Variants in THRAP3 observed in about 807,000 individuals in gnomAD.
THRAP3 encodes the protein thyroid hormone receptor-associated protein 3.
In THRAP3, 16 loss-of-function variants were observed where a neutral mutation model predicts 101.0. The ratio of observed to expected loss-of-function variants is 0.16; its 90% confidence interval spans 0.11 to 0.24. THRAP3 has a LOEUF of 0.24. Ranked by LOEUF, THRAP3 falls within the 10% of genes least tolerant of loss-of-function variation. The pLI, the probability that THRAP3 is intolerant of heterozygous loss-of-function variation, is 1.00. For missense variants in THRAP3, 989 were observed against 1,202.7 expected (o/e 0.82, Z 2.63); for synonymous variants, 407 against 422.6 (o/e 0.96, Z 0.45).
At chr1:36,296,217 G>A (rs552952685) in intron 8 of THRAP3, among the ~76,000 whole-genome samples, 2 of 151,980 alleles carry the variant, frequency 1.3e-5, no homozygotes, top group South Asian at 4.2e-4. Flanking sequence ...CAAGTGATCC[G>A]CCTGCCTCGG....
At chr1:36,219,880 A>G (rs557895703), upstream of THRAP3, among the ~76,000 whole-genome samples, 1 of 152,186 alleles carries the variant, frequency 6.6e-6, no homozygotes, top group African/African-American at 2.4e-5. Context: ...GCAGCTGGTG[A>G]TTTTAAGTTG....
intron 2 of THRAP3, among the ~76,000 whole-genome samples, chr1:36,269,956 C>G (rs1186619555): frequency 6.6e-6 from 1 of 152,130 alleles, no homozygotes; most frequent in East Asian, 1.9e-4. Flanking sequence ...CTTTATCTAT[C>G]CACACTTGTT....
At chr1:36,252,986 T>C (rs1031761783) in intron 1 of THRAP3, among the ~76,000 whole-genome samples, 2 of 141,114 alleles carry the variant, frequency 1.4e-5, no homozygotes, top group Non-Finnish European at 3.0e-5. Flanking sequence ...AAATAATGAG[T>C]ATAATTTTTG....
In THRAP3 at chr1:36,300,771, C is replaced by G. The variant is rs200421889; in HGVS notation, c.2304-115C>G. 40 of 1,006,168 alleles carry G rather than the reference C, an allele frequency of 4.0e-5. No individual in the cohort carries two copies. The East Asian group carries it at 9.5e-4, about 24-fold the overall frequency. 62.3% of individuals were successfully genotyped at this position (1,006,168 alleles called of 1,614,324 possible). On this transcript the variant is annotated intron_variant, in intron 9 of 11. Transcript: ENST00000354618. ...CTGGCTTTATAAGGTTACTCATCAT[C>G]AGTTTCTTCCATCACAGGCATACTT...
chr1:36,277,517 T>G (rs1444632380), intron 2 of THRAP3, among the ~76,000 whole-genome samples: 2 of 151,860 alleles, frequency 1.3e-5, no homozygotes, highest in African/African-American at 4.8e-5. Flanking sequence ...ATTTATTTTT[T>G]ATTTTGGAGA....
At chr1:36,282,235 C>T (rs1570321202) in intron 2 of THRAP3, among the ~76,000 whole-genome samples, 4 of 137,362 alleles carry the variant, frequency 2.9e-5, no homozygotes, top group Non-Finnish European at 1.6e-5. Context: ...CACTTTCTCT[C>T]TTTTTTTTTT....
intron 3 of THRAP3, among the ~76,000 whole-genome samples, chr1:36,282,988 C>T (rs995008467): frequency 1.3e-5 from 2 of 152,148 alleles, no homozygotes; most frequent in Non-Finnish European, 2.9e-5. Flanking sequence ...TGCTTCAAAT[C>T]TCTATAGCTG....
Position 36,289,596 on chromosome 1 carries a change from A to T in THRAP3, c.1577A>T (p.Tyr526Phe). The part of the protein sequence containing the change: ...VPEKNFRVTA[Y>F]KAVQEKSSSP... Reference sequence around the variant, plus strand: ...GAGAAGAATTTCCGAGTGACTGCTTATAAAGCAGTCCAGGAGAAAAGCTCA... The same window carrying T: ...GAGAAGAATTTCCGAGTGACTGCTTTTAAAGCAGTCCAGGAGAAAAGCTCA... The change falls in exon 5 of 12, where the codon TAT becomes TTT. Residue 526 changes from tyrosine (Y) to phenylalanine (F), a missense_variant. Tyr to Phe is a conservative substitution (Grantham distance 22). Coordinates refer to ENST00000354618, the MANE Select transcript of THRAP3 (RefSeq NM_005119.4). The T allele has an allele frequency of 1.9e-6, 3 of 1,614,126 alleles. No individual in the cohort carries two copies. Among genetic ancestry groups the T allele is most frequent in the Non-Finnish European group, 2.5e-6 (3 of 1,179,962 alleles).
chr1:36,291,274 TATAG>T, intron 5 of THRAP3, 96 bp from the exon 6 acceptor site: 1 of 1,269,356 alleles, frequency 7.9e-7, no homozygotes, highest in Non-Finnish European at 1.1e-6. Flanking sequence ...AAAAGAAGTT[TATAG>T]ATAGATTTAA....
At chr1:36,212,144 G>C in the THRAP3 span, among the ~76,000 whole-genome samples, 10 of 152,156 alleles carry the variant, frequency 6.6e-5, no homozygotes, top group African/African-American at 1.9e-4. Context: ...TTAATTCTCA[G>C]GATGGCTGCC....
chr1:36,264,345 C>G (rs1180968094), intron 2 of THRAP3, among the ~76,000 whole-genome samples: 1 of 152,186 alleles, frequency 6.6e-6, no homozygotes, highest in East Asian at 1.9e-4. Context: ...TTCCTTAATT[C>G]TCCTGGCAGT....
intron 1 of THRAP3, among the ~76,000 whole-genome samples, chr1:36,255,470 T>TA (rs1338255118): frequency 2.7e-5 from 4 of 148,992 alleles, no homozygotes; most frequent in Admixed American, 6.7e-5. Flanking sequence ...TCTATTTAAT[T>TA]AAAAAAAAGA....
rs1263758546 is a variant in THRAP3, at chr1:36,304,157, C to T, written c.*140C>T. 20 of 1,287,576 alleles carry T rather than the reference C, an allele frequency of 1.6e-5. No individual in the cohort carries two copies. The highest frequency in any genetic ancestry group is 4.6e-5 in the African/African-American group (3 of 65,792). 79.8% of individuals were successfully genotyped at this position (1,287,576 alleles called of 1,614,324 possible). A position where few individuals can be genotyped will look rare whatever the true frequency, so the allele number is the denominator to read the frequency against. On this transcript the variant is annotated 3_prime_UTR_variant, in exon 12 of 12. Coordinates refer to ENST00000354618, the MANE Select transcript of THRAP3 (RefSeq NM_005119.4). ...ACCAGCCGCACAGATTGTACTACCG[C>T]GAGAGGCATCCCTGGCGCTGTCTCC...
At chr1:36,218,646 C>T in the THRAP3 span, among the ~76,000 whole-genome samples, 12 of 151,334 alleles carry the variant, frequency 7.9e-5, no homozygotes, top group African/African-American at 2.4e-4. Context: ...GGCATGAACC[C>T]GGGAGGCAGA....
chr1:36,210,703 GTATATATATATATATATA>G, the THRAP3 span, among the ~76,000 whole-genome samples: 1,310 of 2,780 alleles, frequency 0.47, 410 homozygotes, highest in Non-Finnish European at 0.55. Flanking sequence ...AAAAAAAAAA[GTATATATATATATATATA>G]TATATATATA....
At chr1:36,241,122 G>A (rs997698037) in intron 1 of THRAP3, among the ~76,000 whole-genome samples, 2 of 150,786 alleles carry the variant, frequency 1.3e-5, no homozygotes, top group African/African-American at 4.9e-5. Context: ...CAGGAGAATG[G>A]CGTGAACCCA....
At chr1:36,295,096 G>A (rs1645927950) in intron 8 of THRAP3, among the ~76,000 whole-genome samples, 1 of 151,984 alleles carries the variant, frequency 6.6e-6, no homozygotes, top group South Asian at 2.1e-4. Flanking sequence ...GGTAGTGCAT[G>A]CCTGTAATCC....
rs1645838076 is a variant in THRAP3, at chr1:36,289,501, T to C, written c.1482T>C (p.Ser494=). 6.2e-7 allele frequency: 1 copy of C among 1,614,118 alleles called. No individual in the cohort carries two copies. Among genetic ancestry groups the C allele is most frequent in the Non-Finnish European group, 8.5e-7 (1 of 1,180,016 alleles). The part of the protein sequence containing the change: ...QRKTEELEEE[S]FPERSKKEDR... The stretch of plus-strand genomic sequence containing the variant: ...AAACAGAGGAGCTGGAGGAGGAGTC[T>C]TTCCCAGAGAGATCCAAAAAGGAAG... Residue 494 remains serine, a synonymous_variant, in exon 5 of 12, where the codon TCT becomes TCC. Transcript: ENST00000354618.
chr1:36,216,615 AAACAAC>A, the THRAP3 span, among the ~76,000 whole-genome samples: 5 of 151,806 alleles, frequency 3.3e-5, no homozygotes, highest in Non-Finnish European at 5.9e-5. Flanking sequence ...GCCTGGCCAA[AAACAAC>A]AACAACAACA....
Sources: allele counts gnomAD v4.1 joint callset (sites outside exome capture counted in the v4.1 genomes callset), GRCh38; gene constraint gnomAD v4.1.1; transcripts MANE v1.5; gene names NCBI Gene and HGNC (gene_info 2026-07-23, HGNC 2026-07-21).